The following NOX4 variants were observed in gnomAD, a reference collection of about 807,000 sequenced individuals.
NOX4 encodes NADPH oxidase 4.
A neutral mutation model predicts 87.6 loss-of-function variants in NOX4; 69 were observed. That is an observed-to-expected ratio of 0.79 (90% CI 0.65 to 0.96). The LOEUF (loss-of-function observed/expected upper bound fraction) is 0.96. Among genes scored for constraint, NOX4 ranks in the 40% least tolerant of loss-of-function variants. The probability of loss-of-function intolerance (pLI) is 0.00; values close to 1 mark genes in which losing one functional copy is unlikely to be tolerated. For synonymous variants in NOX4, 275 were observed against 238.2 expected (o/e 1.15, Z -1.42); for missense variants, 680 against 681.5 (o/e 1.00, Z 0.02).
chr11:89,536,901 C>T, the NOX4 span, among the ~76,000 whole-genome samples: 2 of 152,170 alleles, frequency 1.3e-5, no homozygotes, highest in Non-Finnish European at 2.9e-5. Flanking sequence ...TTCTTCCATA[C>T]CAGAATCATT....
At chr11:89,496,742 G>C (rs1353311549), upstream of NOX4, among the ~76,000 whole-genome samples, 1 of 152,066 alleles carries the variant, frequency 6.6e-6, no homozygotes, top group Non-Finnish European at 1.5e-5. Context: ...ATAAATGTAA[G>C]AAATACTGAC....
chr11:89,382,748 C>T (rs1331347033), intron 11 of NOX4, among the ~76,000 whole-genome samples: 1 of 152,086 alleles, frequency 6.6e-6, no homozygotes, highest in Non-Finnish European at 1.5e-5. Context: ...CACACCCAGT[C>T]TGGCTTACAG....
intron 5 of NOX4, among the ~76,000 whole-genome samples, chr11:89,441,036 C>T (rs1944432144): frequency 6.6e-6 from 1 of 152,144 alleles, no homozygotes; most frequent in African/African-American, 2.4e-5. Flanking sequence ...CATTTTGAAA[C>T]TCAATATCTT....
the NOX4 span, among the ~76,000 whole-genome samples, chr11:89,565,601 T>G: frequency 6.6e-6 from 1 of 152,158 alleles, no homozygotes; most frequent in Non-Finnish European, 1.5e-5. Flanking sequence ...CATAATAACA[T>G]TTGCTACAAG....
At chr11:89,327,538 A>T (rs1186422676) in intron 17 of NOX4, among the ~76,000 whole-genome samples, 1 of 152,202 alleles carries the variant, frequency 6.6e-6, no homozygotes, top group Non-Finnish European at 1.5e-5. Flanking sequence ...AATAATACGT[A>T]TCTCTAACAA....
intron 2 of NOX4, among the ~76,000 whole-genome samples, chr11:89,479,357 T>C (rs1293447216): frequency 6.6e-6 from 1 of 152,192 alleles, no homozygotes; most frequent in African/African-American, 2.4e-5. Context: ...TATGATCACA[T>C]TAATGAGATT....
intron 12 of NOX4, among the ~76,000 whole-genome samples, chr11:89,369,731 G>GATTT (rs1056320675): frequency 9.1e-6 from 1 of 110,454 alleles, no homozygotes; most frequent in Non-Finnish European, 1.8e-5. Flanking sequence ...ATCCAAATAT[G>GATTT]ATTTATTTAT....
chr11:89,521,376 C>G, the NOX4 span, among the ~76,000 whole-genome samples: 2 of 151,984 alleles, frequency 1.3e-5, no homozygotes, highest in Non-Finnish European at 2.9e-5. Context: ...AAAATAAAGC[C>G]ACCCACCTAT....
At chr11:89,438,656 T>C (rs1217190271) in intron 6 of NOX4, among the ~76,000 whole-genome samples, 10 of 64,874 alleles carry the variant, frequency 1.5e-4, no homozygotes, top group Non-Finnish European at 1.9e-4. Flanking sequence ...CTATATAATA[T>C]ATACTATATA....
At chr11:89,491,544 C>T (rs1040427549), upstream of NOX4, 165 of 413,490 alleles carry the variant, frequency 4.0e-4, 1 homozygote, top group Non-Finnish European at 2.5e-4. Context: ...TCTGCTCCGC[C>T]GCGCCGGCCC....
chr11:89,551,269 G>T, the NOX4 span, among the ~76,000 whole-genome samples: 2 of 152,276 alleles, frequency 1.3e-5, no homozygotes, highest in Non-Finnish European at 2.9e-5. Context: ...GCTTAGGATT[G>T]TCTTGGCTAT....
chr11:89,343,982 T>A (rs577052767), intron 13 of NOX4, among the ~76,000 whole-genome samples: 8 of 152,102 alleles, frequency 5.3e-5, no homozygotes, highest in African/African-American at 1.7e-4. Context: ...AAAAACTGAT[T>A]TAAATCTTTT....
intron 3 of NOX4, 41 bp downstream of exon 3, chr11:89,451,744 T>G (rs779183481): frequency 1.5e-6 from 2 of 1,373,994 alleles, no homozygotes; most frequent in Admixed American, 1.7e-5. Flanking sequence ...TTACACTTGA[T>G]TTTTATGCTG....
intron 6 of NOX4, among the ~76,000 whole-genome samples, chr11:89,439,376 C>G (rs1337634232): frequency 1.9e-4 from 29 of 151,840 alleles, no homozygotes. Flanking sequence ...AATTGTGTTC[C>G]TAAAGAGAAA....
intron 7 of NOX4, among the ~76,000 whole-genome samples, chr11:89,423,246 T>C (rs548704321): frequency 3.1e-4 from 47 of 152,208 alleles, no homozygotes; most frequent in Non-Finnish European, 3.8e-4. Flanking sequence ...GGAGTGCCTG[T>C]TTCCCAAAAA....
At chr11:89,356,108 T>C (rs1296211779) in intron 12 of NOX4, among the ~76,000 whole-genome samples, 4 of 152,084 alleles carry the variant, frequency 2.6e-5, no homozygotes, top group Non-Finnish European at 5.9e-5. Context: ...CAATGTATTA[T>C]TTAAGTATGA....
At chr11:89,583,987 A>T in the NOX4 span, among the ~76,000 whole-genome samples, 1 of 152,182 alleles carries the variant, frequency 6.6e-6, no homozygotes, top group South Asian at 2.1e-4. Context: ...GGTTAAAATC[A>T]ATGATGCCTT....
the NOX4 span, among the ~76,000 whole-genome samples, chr11:89,544,436 C>T: frequency 8.7e-4 from 132 of 152,122 alleles, no homozygotes; most frequent in African/African-American, 3.1e-3. Flanking sequence ...CAAATAAAGG[C>T]AGAACTGAAC....
the NOX4 span, among the ~76,000 whole-genome samples, chr11:89,516,077 T>C: frequency 6.6e-6 from 1 of 152,048 alleles, no homozygotes; most frequent in Non-Finnish European, 1.5e-5. Context: ...ATTTGGCATC[T>C]CTAATGTTCT....
Sources: allele counts gnomAD v4.1 joint callset (sites outside exome capture counted in the v4.1 genomes callset), GRCh38; gene constraint gnomAD v4.1.1; transcripts MANE v1.5; gene names NCBI Gene and HGNC (gene_info 2026-07-23, HGNC 2026-07-21).